The following GALNT17 variants were observed in gnomAD, a reference collection of about 807,000 sequenced individuals.
GALNT17 encodes polypeptide N-acetylgalactosaminyltransferase 17.
GALNT17 carries 29 observed loss-of-function variants against 63.7 expected under a neutral mutation model. The observed-to-expected ratio is 0.46, with a 90% CI of 0.34 to 0.62. GALNT17 has a LOEUF of 0.62. GALNT17 is among the 20% of genes least tolerant of loss of function. The pLI is 0.01. For missense variants in GALNT17, 603 were observed against 799.6 expected, an observed-to-expected ratio of 0.75 and a Z score of 2.97; for synonymous variants, 305 against 318.3, an observed-to-expected ratio of 0.96 and a Z score of 0.45.
At chr7:71,437,146 G>A (rs116070241) in intron 5 of GALNT17, among the ~76,000 whole-genome samples, 3,151 of 152,240 alleles carry the variant, frequency 0.021, 44 homozygotes, top group African/African-American at 0.036. Context: ...AACCACGGAT[G>A]GTCAAAGGTT....
chr7:71,421,002 C>A lies in GALNT17; in HGVS notation c.859C>A (p.Arg287=), dbSNP rs775779137. 6.2e-7 allele frequency: 1 copy of A among 1,614,100 alleles called. No individual in the cohort carries two copies. Among genetic ancestry groups the A allele is most frequent in the Middle Eastern group, 1.7e-4 (1 of 6,060 alleles). ...CAAACAGGACAACTTTGAGGTGCAG[C>A]GGTACGAGAACTCGGCCCACGGGTA... is the stretch of plus-strand genomic sequence containing the variant. ...NIKQDNFEVQ[R]YENSAHGYSW... Residue 287 remains arginine, a synonymous_variant, in exon 5 of 11, where the codon CGG becomes AGG. Transcript: ENST00000333538.
intron 5 of GALNT17, among the ~76,000 whole-genome samples, chr7:71,458,051 C>G (rs1035479551): frequency 1.3e-5 from 2 of 152,070 alleles, no homozygotes; most frequent in South Asian, 4.1e-4. Context: ...TCTGTTCTCT[C>G]CAATCCCCAC....
intron 1 of GALNT17, among the ~76,000 whole-genome samples, chr7:71,288,440 T>A (rs1403646092): frequency 6.6e-6 from 1 of 152,006 alleles, no homozygotes; most frequent in Non-Finnish European, 1.5e-5. Flanking sequence ...TTTCAGGGGT[T>A]ACCTGTCCTT....
intron 1 of GALNT17, among the ~76,000 whole-genome samples, chr7:71,262,679 CT>C (rs756742343): frequency 2.4e-3 from 304 of 124,630 alleles, no homozygotes; most frequent in East Asian, 4.9e-3. Flanking sequence ...TTTTTACTTT[CT>C]TTTTTTTTTT....
chr7:71,137,356 G>C (rs1395596279), intron 1 of GALNT17, among the ~76,000 whole-genome samples: 1 of 151,128 alleles, frequency 6.6e-6, no homozygotes, highest in Non-Finnish European at 1.5e-5. Flanking sequence ...CGCCAGGATG[G>C]TCTCGATCTC....
intron 5 of GALNT17, among the ~76,000 whole-genome samples, chr7:71,430,351 C>T (rs540465847): frequency 6.6e-6 from 1 of 152,314 alleles, no homozygotes; most frequent in Admixed American, 6.5e-5. Context: ...GTTCTGCTGC[C>T]TTCAGAGAAC....
At chr7:71,308,774 A>C (rs1882572) in intron 1 of GALNT17, among the ~76,000 whole-genome samples, 137,245 of 149,696 alleles carry the variant, frequency 0.92, 62,995 homozygotes, top group East Asian at 1. Flanking sequence ...AACAGAGTCA[A>C]GCTCTGTTGC....
intron 6 of GALNT17, among the ~76,000 whole-genome samples, chr7:71,604,643 A>G (rs1301835956): frequency 1.3e-5 from 2 of 152,134 alleles, no homozygotes; most frequent in Non-Finnish European, 2.9e-5. Context: ...CCTATAATTT[A>G]TCTCACTCAA....
chr7:71,340,206 A>G (rs1027324333), intron 2 of GALNT17, among the ~76,000 whole-genome samples: 3 of 152,312 alleles, frequency 2.0e-5, no homozygotes, highest in South Asian at 4.1e-4. Context: ...ATGTCCCCAG[A>G]TCCTTTCTTC....
chr7:71,672,272 C>T (rs1051167872), intron 8 of GALNT17, among the ~76,000 whole-genome samples: 2 of 152,118 alleles, frequency 1.3e-5, no homozygotes, highest in African/African-American at 4.8e-5. Flanking sequence ...TACAGCTCAC[C>T]ATTTACCAAA....
chr7:71,172,872 G>C (rs540426500), intron 1 of GALNT17, among the ~76,000 whole-genome samples: 4 of 152,168 alleles, frequency 2.6e-5, no homozygotes, highest in Non-Finnish European at 5.9e-5. Flanking sequence ...TTGAAATGAG[G>C]TGTTGTTCTG....
chr7:71,695,751 T>C (rs962429662), intron 9 of GALNT17, among the ~76,000 whole-genome samples: 5 of 152,148 alleles, frequency 3.3e-5, no homozygotes, highest in African/African-American at 1.2e-4. Context: ...GATTGGGCAT[T>C]TGGAATTTTC....
chr7:71,680,859 TTTCC>T (rs71089976), intron 9 of GALNT17, among the ~76,000 whole-genome samples: 52 of 123,906 alleles, frequency 4.2e-4, no homozygotes, highest in Non-Finnish European at 6.1e-4. Flanking sequence ...TCCTTTTTTC[TTTCC>T]TTCCTTCCTT....
intron 1 of GALNT17, among the ~76,000 whole-genome samples, chr7:71,332,301 A>G (rs796347646): frequency 2.3e-4 from 35 of 152,272 alleles, no homozygotes; most frequent in African/African-American, 8.4e-4. Context: ...GGGGAAAAAA[A>G]AAAATCCAGT....
intron 5 of GALNT17, among the ~76,000 whole-genome samples, chr7:71,479,744 G>A (rs763679666): frequency 6.6e-6 from 1 of 152,134 alleles, no homozygotes; most frequent in African/African-American, 2.4e-5. Flanking sequence ...TGAACAGGCC[G>A]GGTCTTGAAA....
chr7:71,588,155 GAA>G (rs1359561180), intron 6 of GALNT17, among the ~76,000 whole-genome samples: 2 of 152,080 alleles, frequency 1.3e-5, no homozygotes, highest in African/African-American at 4.8e-5. Context: ...TGTTTTTTTA[GAA>G]AGAGTAAGGT....
intron 2 of GALNT17, among the ~76,000 whole-genome samples, chr7:71,358,519 ACT>A (rs1179820440): frequency 6.6e-6 from 1 of 152,006 alleles, no homozygotes; most frequent in African/African-American, 2.4e-5. Context: ...GCTCAGTCCT[ACT>A]CTTAGCAGCA....
intron 1 of GALNT17, among the ~76,000 whole-genome samples, chr7:71,329,468 T>C (rs1371062962): frequency 6.6e-6 from 1 of 152,118 alleles, no homozygotes; most frequent in Non-Finnish European, 1.5e-5. Context: ...AGCGTGTCTG[T>C]ATTAGTCCGT....
intron 2 of GALNT17, 101 bp downstream of exon 2, chr7:71,335,834 G>A (rs1791891010): frequency 9.2e-7 from 1 of 1,091,168 alleles, no homozygotes; most frequent in Non-Finnish European, 1.2e-6. Context: ...TAACTCTTGG[G>A]GGAGTTTTTA....
Sources: gnomAD v4.1 joint callset for allele counts (sites outside exome capture counted in the v4.1 genomes callset) on GRCh38, gnomAD v4.1.1 for gene constraint, MANE v1.5 for transcripts, NCBI Gene and HGNC (gene_info 2026-07-23, HGNC 2026-07-21) for gene names.